PEX5L: variants seen among roughly 807,000 people sequenced by gnomAD.
The protein encoded by PEX5L is peroxisomal biogenesis factor 5 like.
A neutral mutation model predicts 84.0 loss-of-function variants in PEX5L; 30 were observed. The ratio of observed to expected loss-of-function variants is 0.36; its 90% CI spans 0.27 to 0.48. PEX5L has a LOEUF of 0.48. PEX5L is among the 20% of genes least tolerant of loss of function. The pLI is 0.99. For missense variants in PEX5L, 533 were observed against 754.6 expected (o/e 0.71, Z 3.44); for synonymous variants, 270 against 283.1 (o/e 0.95, Z 0.46).
Position 179,827,790 on chromosome 3 carries a change from C to T in PEX5L, c.823-7814G>A, listed in dbSNP as rs77924062. 7.0e-4 allele frequency among the ~76,000 whole-genome samples: 106 copies of T among 152,264 alleles called. No individual in the cohort carries two copies. The East Asian group carries it at 0.016, about 23-fold the overall frequency. On this transcript the variant is annotated intron_variant, in intron 8 of 14. Coordinates refer to ENST00000467460, the MANE Select transcript of PEX5L (RefSeq NM_016559.3). ...AGTTCTGTGGCCAAATGAGCTTCAG[C>T]TACTTTAGGTTAAGCTAAAGGCTGC...
At position 179,936,320 on chromosome 3, in the gene PEX5L, A is replaced by G. The variant is rs1774588723; in HGVS notation, c.93+35274T>C. Among the ~76,000 whole-genome samples, 2 of 152,228 alleles carry G rather than the reference A, an allele frequency of 1.3e-5. 1 individual carries two copies. Among genetic ancestry groups the G allele is most frequent in the Non-Finnish European group, 2.9e-5 (2 of 68,044 alleles). On this transcript the variant is annotated intron_variant, in intron 2 of 14. Coordinates refer to ENST00000467460, the MANE Select transcript of PEX5L (RefSeq NM_016559.3). ...GGTGCAATATACTAATATATGTCAG[A>G]TGGGATTCATCTATGTACTTGAACA...
chr3:179,876,127 G>C (rs1171462143), intron 5 of PEX5L, among the ~76,000 whole-genome samples: 1 of 152,242 alleles, frequency 6.6e-6, no homozygotes, highest in Non-Finnish European at 1.5e-5. Flanking sequence ...AATCTGGCTG[G>C]ATTCTCTCAT....
At chr3:179,882,782 T>G (rs1341659190) in intron 4 of PEX5L, among the ~76,000 whole-genome samples, 1 of 152,200 alleles carries the variant, frequency 6.6e-6, no homozygotes, top group Non-Finnish European at 1.5e-5. Flanking sequence ...AGTATCTGTG[T>G]GCTTAAATTA....
rs766857426 is a variant in PEX5L at position 179,859,175 on chromosome 3, CAT to C, written c.727-20_727-19del. The C allele has an allele frequency of 6.4e-7, 1 of 1,550,712 alleles. No homozygotes were observed. Among genetic ancestry groups the C allele is most frequent in the Non-Finnish European group, 8.9e-7 (1 of 1,122,444 alleles). Reference sequence around the variant, plus strand: ...AGTCGAGCCTGAAATCAATCATACACATAGTGTTATAATATTAGAATCACATG... The same window carrying C: ...AGTCGAGCCTGAAATCAATCATACACAGTGTTATAATATTAGAATCACATG... On this transcript the variant is annotated intron_variant, in intron 7 of 14. Coordinates refer to ENST00000467460, the MANE Select transcript of PEX5L (RefSeq NM_016559.3).
chr3:179,973,299 CTGA>C (rs1158059129), intron 1 of PEX5L: 1 of 1,279,412 alleles, frequency 7.8e-7, no homozygotes, highest in Non-Finnish European at 1.0e-6. Flanking sequence ...CCAGAACTTG[CTGA>C]CCAGAGAACC....
intron 8 of PEX5L, among the ~76,000 whole-genome samples, chr3:179,831,206 T>C (rs1376551181): frequency 1.3e-5 from 2 of 151,524 alleles, no homozygotes; most frequent in African/African-American, 4.9e-5. Flanking sequence ...TCCCAGCTAC[T>C]CGGGAGGCTG....
intron 2 of PEX5L, among the ~76,000 whole-genome samples, chr3:179,969,382 T>C (rs1579117922): frequency 6.6e-6 from 1 of 152,174 alleles, no homozygotes; most frequent in East Asian, 1.9e-4. Flanking sequence ...TACATATATA[T>C]GTATAATGTC....
chr3:179,892,063 A>C (rs1757787855), intron 3 of PEX5L, among the ~76,000 whole-genome samples: 1 of 152,180 alleles, frequency 6.6e-6, no homozygotes, highest in South Asian at 2.1e-4. Context: ...AATAATAAAA[A>C]GTAACCCAAA....
In PEX5L at chr3:180,036,930, C is replaced by A; in HGVS notation, c.-331G>T. On this transcript the variant is annotated 5_prime_UTR_variant, in exon 1 of 15. Transcript: ENST00000467460. Reference sequence around the variant, plus strand: ...ACTCCTTCTTCGCCGAACTCTTTCTCGCTTCCTGCCAGGTTGCCTCATGTC... The same window carrying A: ...ACTCCTTCTTCGCCGAACTCTTTCTAGCTTCCTGCCAGGTTGCCTCATGTC... 2.8e-6 allele frequency: 1 copy of A among 359,686 alleles called. No homozygotes were observed. The allele number at this position is 359,686 out of a possible 1,614,324, so 22.3% of individuals were successfully genotyped here. A position where few individuals can be genotyped will look rare whatever the true frequency, so the allele number is the denominator to read the frequency against.
At chr3:179,924,686 T>G (rs1770876790) in intron 2 of PEX5L, among the ~76,000 whole-genome samples, 1 of 152,240 alleles carries the variant, frequency 6.6e-6, no homozygotes, top group African/African-American at 2.4e-5. Context: ...TTACCTGCAT[T>G]TCCATGATCC....
intron 1 of PEX5L, among the ~76,000 whole-genome samples, chr3:180,033,465 T>C (rs1199300041): frequency 6.6e-6 from 1 of 152,210 alleles, no homozygotes; most frequent in African/African-American, 2.4e-5. Context: ...AAAATTGAAA[T>C]TATATTTCTC....
At chr3:179,847,801 A>G (rs1740169099) in intron 8 of PEX5L, among the ~76,000 whole-genome samples, 1 of 152,100 alleles carries the variant, frequency 6.6e-6, no homozygotes, top group South Asian at 2.1e-4. Context: ...TCCTGGGCTC[A>G]AGTGATTCTC....
At chr3:179,803,851 C>G (rs1363983329) in intron 14 of PEX5L, among the ~76,000 whole-genome samples, 2 of 152,154 alleles carry the variant, frequency 1.3e-5, no homozygotes, top group East Asian at 1.9e-4. Flanking sequence ...ATGTAGCAAT[C>G]TGGATAATGG....
intron 8 of PEX5L, 26 bp downstream of exon 8, chr3:179,859,036 A>G (rs1355591582): frequency 2.0e-6 from 3 of 1,516,668 alleles, no homozygotes; most frequent in Admixed American, 1.7e-5. Context: ...CATGAAACAG[A>G]AAAAACTAAT....
intron 1 of PEX5L, among the ~76,000 whole-genome samples, chr3:180,027,855 AAC>A (rs1299435785): frequency 6.6e-6 from 1 of 152,108 alleles, no homozygotes; most frequent in African/African-American, 2.4e-5. Context: ...ATTTTGGAAA[AAC>A]ACAATCTGCT....
At chr3:179,963,344 T>G (rs941797819) in intron 2 of PEX5L, among the ~76,000 whole-genome samples, 1 of 152,234 alleles carries the variant, frequency 6.6e-6, no homozygotes, top group Non-Finnish European at 1.5e-5. Flanking sequence ...CCTACTCATT[T>G]TATCAAATGG....
chr3:179,881,001 C>G (rs1176610514), intron 4 of PEX5L: 1 of 152,282 alleles, frequency 6.6e-6, no homozygotes, highest in Non-Finnish European at 1.5e-5. Flanking sequence ...GGCCCTGGCA[C>G]TGCACTGGAG....
At chr3:180,023,853 T>C (rs997126453) in intron 1 of PEX5L, among the ~76,000 whole-genome samples, 5 of 147,340 alleles carry the variant, frequency 3.4e-5, no homozygotes, top group South Asian at 2.1e-4. Context: ...CCTAGCTCCT[T>C]GGTAGAGGAG....
chr3:179,848,520 T>C (rs1577562296), intron 8 of PEX5L, among the ~76,000 whole-genome samples: 1 of 135,024 alleles, frequency 7.4e-6, no homozygotes, highest in South Asian at 2.3e-4. Flanking sequence ...GCCACTGAAC[T>C]CCAGCCTCAG....
Sources: gnomAD v4.1 joint callset for allele counts (sites outside exome capture counted in the v4.1 genomes callset) on GRCh38, gnomAD v4.1.1 for gene constraint, MANE v1.5 for transcripts, NCBI Gene and HGNC (gene_info 2026-07-23, HGNC 2026-07-21) for gene names.